Variants in ZNF385B observed in about 807,000 individuals in gnomAD.
ZNF385B encodes the protein zinc finger protein 533.
A neutral mutation model predicts 39.2 loss-of-function variants in ZNF385B; 23 were observed. The observed-to-expected ratio is 0.59, with a 90% CI of 0.42 to 0.83. The LOEUF is 0.83. Ranked by LOEUF, ZNF385B falls within the 40% of genes least tolerant of loss-of-function variation. The pLI, the probability that ZNF385B is intolerant of heterozygous loss-of-function variation, is 0.00. For missense variants in ZNF385B, 552 were observed against 598.9 expected (o/e 0.92, Z 0.82); for synonymous variants, 205 against 222.6 (o/e 0.92, Z 0.70).
chr2:179,662,068 G>C (rs1694546104), intron 3 of ZNF385B, among the ~76,000 whole-genome samples: 1 of 152,224 alleles, frequency 6.6e-6, no homozygotes, highest in Admixed American at 6.5e-5. Flanking sequence ...GTGGGATATA[G>C]ATTTGTTATT....
At chr2:179,672,118 G>T (rs1696094562) in intron 3 of ZNF385B, among the ~76,000 whole-genome samples, 1 of 152,200 alleles carries the variant, frequency 6.6e-6, no homozygotes, top group African/African-American at 2.4e-5. Flanking sequence ...CCAGAAGGTG[G>T]GACCACAGCT....
chr2:179,816,305 C>T lies in ZNF385B; in HGVS notation c.-155+44796G>A, dbSNP rs578241123. Among the ~76,000 whole-genome samples the T allele has an allele frequency of 7.9e-5, 12 of 152,302 alleles. No homozygotes were observed. The South Asian group carries it at 2.5e-3, about 32-fold the overall frequency. ...GGATCTAATCACTTCTCTCCACTTT[C>T]ATTCTAGTTTAAGCCACAGTCATTT... On this transcript the variant is annotated intron_variant, in intron 1 of 9. Transcript: ENST00000410066.
chr2:179,807,602 A>C (rs1706436872), intron 1 of ZNF385B, among the ~76,000 whole-genome samples: 1 of 150,844 alleles, frequency 6.6e-6, no homozygotes, highest in African/African-American at 2.4e-5. Flanking sequence ...CCCTCAAAAA[A>C]GAGTAAAAAA....
At chr2:179,779,608 A>C (rs937111271) in intron 1 of ZNF385B, among the ~76,000 whole-genome samples, 2 of 152,210 alleles carry the variant, frequency 1.3e-5, no homozygotes, top group African/African-American at 2.4e-5. Flanking sequence ...AGGCAAGAGA[A>C]AATGGCACCT....
At chr2:179,518,404 A>T in intron 5 of ZNF385B, 124 bp downstream of exon 5, 2 of 695,338 alleles carry the variant, frequency 2.9e-6, no homozygotes, top group Non-Finnish European at 4.7e-6. Context: ...GGCATCCTGA[A>T]ATTAGTGGGC....
intron 3 of ZNF385B, among the ~76,000 whole-genome samples, chr2:179,685,859 C>A (rs757562295): frequency 2.0e-5 from 3 of 152,142 alleles, no homozygotes; most frequent in African/African-American, 7.2e-5. Flanking sequence ...AAGTTGATAA[C>A]CAGGATGGAC....
chr2:179,854,817 A>G (rs1182495325), intron 1 of ZNF385B, among the ~76,000 whole-genome samples: 1 of 152,188 alleles, frequency 6.6e-6, no homozygotes, highest in Non-Finnish European at 1.5e-5. Context: ...TGTCTTCTTA[A>G]TTGTGTTATT....
chr2:179,738,305 G>C (rs888913220), intron 3 of ZNF385B, among the ~76,000 whole-genome samples: 1 of 152,074 alleles, frequency 6.6e-6, no homozygotes, highest in African/African-American at 2.4e-5. Flanking sequence ...CCCTTGATAA[G>C]GTACTCAGTG....
At position 179,829,229 on chromosome 2, in the gene ZNF385B, G is replaced by T. The variant is rs149475074; in HGVS notation, c.-155+31872C>A. Among the ~76,000 whole-genome samples the T allele has an allele frequency of 6.2e-3, 946 of 152,168 alleles. 5 individuals are homozygous for T. The highest frequency in any genetic ancestry group is 0.022 in the African/African-American group (904 of 41,526). On this transcript the variant is annotated intron_variant, in intron 1 of 9. Coordinates refer to ENST00000410066, the MANE Select transcript of ZNF385B (RefSeq NM_152520.6). ...TTCTAATAATATTTCTCTTCATAGT[G>T]AAGAGACTATTAGCTGAAAAACAAT... is the stretch of plus-strand genomic sequence containing the variant.
chr2:179,830,272 C>T (rs1245924616), intron 1 of ZNF385B, among the ~76,000 whole-genome samples: 3 of 152,192 alleles, frequency 2.0e-5, no homozygotes, highest in Non-Finnish European at 4.4e-5. Context: ...TCATTCATTG[C>T]TGTGGAGATG....
intron 6 of ZNF385B, among the ~76,000 whole-genome samples, chr2:179,462,532 A>C (rs1425382028): frequency 2.6e-5 from 4 of 152,172 alleles, no homozygotes; most frequent in Non-Finnish European, 5.9e-5. Flanking sequence ...CCAACTGATG[A>C]CATATATTTT....
At chr2:179,536,953 A>G (rs1264540954) in intron 4 of ZNF385B, among the ~76,000 whole-genome samples, 1 of 152,184 alleles carries the variant, frequency 6.6e-6, no homozygotes, top group East Asian at 1.9e-4. Context: ...AGTAAGATAA[A>G]TCTTGAGGCT....
intron 5 of ZNF385B, among the ~76,000 whole-genome samples, chr2:179,499,761 T>C (rs188762832): frequency 1.0e-3 from 152 of 152,136 alleles, no homozygotes; most frequent in Non-Finnish European, 5.2e-4. Flanking sequence ...ACCACTGTTA[T>C]TCAACATAGT....
At chr2:179,497,217 C>T (rs1458188872) in intron 5 of ZNF385B, among the ~76,000 whole-genome samples, 2 of 152,142 alleles carry the variant, frequency 1.3e-5, no homozygotes, top group Non-Finnish European at 2.9e-5. Context: ...AGGTACAAAA[C>T]TCACTTGTAA....
chr2:179,819,892 A>G (rs370798589), intron 1 of ZNF385B, among the ~76,000 whole-genome samples: 1 of 152,204 alleles, frequency 6.6e-6, no homozygotes, highest in African/African-American at 2.4e-5. Flanking sequence ...CATATTAACA[A>G]TTAGACATAT....
At chr2:179,791,467 G>A (rs1407207822) in intron 1 of ZNF385B, among the ~76,000 whole-genome samples, 1 of 152,198 alleles carries the variant, frequency 6.6e-6, no homozygotes, top group Non-Finnish European at 1.5e-5. Flanking sequence ...TGTAAGTGGA[G>A]ATTCTCCAAG....
chr2:179,741,829 T>C (rs1185011898), intron 3 of ZNF385B, among the ~76,000 whole-genome samples: 3 of 152,080 alleles, frequency 2.0e-5, no homozygotes, highest in Non-Finnish European at 4.4e-5. Flanking sequence ...AGTTTGCAAG[T>C]TACTCTGCCT....
At chr2:179,445,367 T>C (rs2049368132) in intron 8 of ZNF385B, among the ~76,000 whole-genome samples, 183 bp downstream of exon 8, 1 of 152,340 alleles carries the variant, frequency 6.6e-6, no homozygotes, top group Non-Finnish European at 1.5e-5. Context: ...TAACAGTAGA[T>C]GCTCAAATAT....
intron 3 of ZNF385B, among the ~76,000 whole-genome samples, chr2:179,545,367 T>C (rs192759993): frequency 6.6e-6 from 1 of 152,170 alleles, no homozygotes; most frequent in Non-Finnish European, 1.5e-5. Flanking sequence ...AATTACTGAA[T>C]GGCTAGTGGA....
Sources: allele counts gnomAD v4.1 joint callset (sites outside exome capture counted in the v4.1 genomes callset), GRCh38; gene constraint gnomAD v4.1.1; transcripts MANE v1.5; gene names NCBI Gene and HGNC (gene_info 2026-07-23, HGNC 2026-07-21).